Variants in PSMF1 observed in about 807,000 individuals in gnomAD.
PSMF1 encodes proteasome inhibitor subunit 1.
PSMF1 carries 30 observed loss-of-function variants against 29.3 expected under a neutral mutation model. The observed-to-expected ratio is 1.02, with a 90% confidence interval of 0.77 to 1.39. PSMF1 has a LOEUF of 1.39. PSMF1 is among the 40% of genes most tolerant of loss of function. The probability of loss-of-function intolerance (pLI) is 0.00; values close to 1 mark genes in which losing one functional copy is unlikely to be tolerated. For synonymous variants in PSMF1, 134 were observed against 139.7 expected, an observed-to-expected ratio of 0.96 and a Z score of 0.29; for missense variants, 344 against 357.5, an observed-to-expected ratio of 0.96 and a Z score of 0.31.
chr20:1,132,111 G>C (rs1346849769), intron 3 of PSMF1, among the ~76,000 whole-genome samples: 2 of 152,034 alleles, frequency 1.3e-5, no homozygotes, highest in Non-Finnish European at 2.9e-5. Context: ...CTTTTCCATT[G>C]ATCTCTATGT....
In PSMF1 at chr20:1,163,998, G is replaced by A. The variant is rs1244428936; in HGVS notation, c.606-320G>A. On this transcript the variant is annotated intron_variant, in intron 5 of 6. Transcript: ENST00000335877. This position sits in a 1 kb window ranked among gnomAD's most constrained non-coding sequence, Gnocchi z 6.1. Reference sequence around the variant, plus strand: ...TGACCTTGGCAAGTTCTGGCTCTTGGTCTTGATCAAGTTGGCCCTCTTGAG... The same window carrying A: ...TGACCTTGGCAAGTTCTGGCTCTTGATCTTGATCAAGTTGGCCCTCTTGAG... Among the ~76,000 whole-genome samples, 1 of 152,196 alleles carries A rather than the reference G, an allele frequency of 6.6e-6. No individual in the cohort carries two copies. The highest frequency in any genetic ancestry group is 1.5e-5 in the Non-Finnish European group (1 of 68,036).
Position 1,165,471 on chromosome 20 carries a change from C to T in PSMF1, c.*391C>T, listed in dbSNP as rs997436850. The T allele has an allele frequency of 5.4e-5, 56 of 1,032,400 alleles. No individual in the cohort carries two copies. In the African/African-American group the frequency reaches 9.0e-4, roughly 17 times the overall value. 64.0% of individuals were successfully genotyped at this position (1,032,400 alleles called of 1,614,324 possible). On this transcript the variant is annotated 3_prime_UTR_variant, in exon 7 of 7. Coordinates refer to ENST00000335877, the MANE Select transcript of PSMF1 (RefSeq NM_006814.5). Reference sequence around the variant, plus strand: ...AAATGTCAATACAGAATTCATGTTGCCGGTTTCCCACTTTTCTTTTTACAT... The same window carrying T: ...AAATGTCAATACAGAATTCATGTTGTCGGTTTCCCACTTTTCTTTTTACAT...
intron 4 of PSMF1, among the ~76,000 whole-genome samples, chr20:1,157,770 T>C (rs1481085991): frequency 7.2e-5 from 11 of 152,062 alleles, no homozygotes; most frequent in Admixed American, 2.6e-4. Context: ...TTTTTTTTTT[T>C]CCTGGTGGAG....
intron 3 of PSMF1, among the ~76,000 whole-genome samples, chr20:1,128,514 A>G (rs2086189402): frequency 6.6e-6 from 1 of 152,222 alleles, no homozygotes; most frequent in Non-Finnish European, 1.5e-5. Context: ...AAAGTTCCAA[A>G]TGACTTATTT....
In PSMF1 at chr20:1,143,431, A is replaced by G. The variant is rs74355096; in HGVS notation, c.551+8125A>G. Among the ~76,000 whole-genome samples, 324 of 152,336 alleles carry G rather than the reference A, an allele frequency of 2.1e-3. 4 individuals are homozygous for G. In the East Asian group the frequency reaches 0.031, roughly 15 times the overall value. ...ATGATGCTGGAGCAATTGGATAATC[A>G]CAAGCAAAAATATGACCCTTGACCT... On this transcript the variant is annotated intron_variant, in intron 4 of 6. Coordinates refer to ENST00000335877, the MANE Select transcript of PSMF1 (RefSeq NM_006814.5).
Position 1,139,322 on chromosome 20 carries a change from G to A in PSMF1, c.551+4016G>A, listed in dbSNP as rs560539668. Among the ~76,000 whole-genome samples, 6 of 152,290 alleles carry A rather than the reference G, an allele frequency of 3.9e-5. No homozygotes were observed. In the East Asian group the frequency reaches 9.6e-4, roughly 24 times the overall value. On this transcript the variant is annotated intron_variant, in intron 4 of 6. Transcript: ENST00000335877. ...TTTTCCTCTTAAGATCCGGAACAAG[G>A]CAAGCATGTTTGCTTTTGTTTTTGC...
At chr20:1,150,330 G>GT (rs2086512740) in intron 4 of PSMF1, among the ~76,000 whole-genome samples, 1 of 152,188 alleles carries the variant, frequency 6.6e-6, no homozygotes, top group Non-Finnish European at 1.5e-5. Flanking sequence ...GGGTGAGTGA[G>GT]TGGTAAGGGA....
At chr20:1,157,759 T>G (rs1227643258) in intron 4 of PSMF1, among the ~76,000 whole-genome samples, 2 of 143,624 alleles carry the variant, frequency 1.4e-5, no homozygotes, top group African/African-American at 2.6e-5. Context: ...CAGCAGGTCG[T>G]TTTTTTTTTT....
Position 1,163,147 on chromosome 20 carries a change from C to G in PSMF1, c.569C>G (p.Pro190Arg), listed in dbSNP as rs147039294. The change falls in exon 5 of 7, where the codon CCG (proline) becomes CGG (arginine). Residue 190 changes from proline (P) to arginine (R), a missense_variant. Coordinates refer to ENST00000335877, the MANE Select transcript of PSMF1 (RefSeq NM_006814.5). The surrounding 1 kb of genome is among the most constrained non-coding windows in gnomAD (Gnocchi z 6.1). Reference sequence around the variant, plus strand: ...TGTTTCAGGTGTGATCCCCTGGGCCCGTTTGTTGTCGGGGGAGAAGACTTA... The same window carrying G: ...TGTTTCAGGTGTGATCCCCTGGGCCGGTTTGTTGTCGGGGGAGAAGACTTA... ...RQPPWCDPLG[P>R]FVVGGEDLDP... 18 of 1,614,108 alleles carry G rather than the reference C, an allele frequency of 1.1e-5. No homozygotes were observed. Among genetic ancestry groups the G allele is most frequent in the Non-Finnish European group, 1.5e-5 (18 of 1,180,024 alleles).
chr20:1,149,565 C>A (rs539281611), intron 4 of PSMF1, among the ~76,000 whole-genome samples: 1 of 152,156 alleles, frequency 6.6e-6, no homozygotes, highest in South Asian at 2.1e-4. Context: ...ACATCCTTTT[C>A]GAGAAAATGT....
At chr20:1,153,723 C>G (rs1031319594) in intron 4 of PSMF1, among the ~76,000 whole-genome samples, 1 of 152,096 alleles carries the variant, frequency 6.6e-6, no homozygotes, top group African/African-American at 2.4e-5. Flanking sequence ...GAGTCTTAAC[C>G]CGTTACTACA....
In PSMF1 at chr20:1,155,343, C is replaced by T. The variant is rs114514313; in HGVS notation, c.552-7787C>T. 4.9e-3 allele frequency among the ~76,000 whole-genome samples: 752 copies of T among 152,316 alleles called. 2 individuals are homozygous for T. The highest frequency in any genetic ancestry group is 0.024 in the Middle Eastern group (7 of 294). On this transcript the variant is annotated intron_variant, in intron 4 of 6. Transcript: ENST00000335877. ...CCAGCCTGCAGCAGTCTGCAGACAC[C>T]TAAAACTGAGGAAGAACCTTCCTTT...
At position 1,170,243 on chromosome 20, in the gene PSMF1, G is replaced by A. The variant is rs2086776914; in HGVS notation, c.*5163G>A. ...CTGCATTTTAACAAGTTCTCCATGA[G>A]ATTTGTGTAAACTTAAAGTGAGAGA... On this transcript the variant is annotated 3_prime_UTR_variant, in exon 7 of 7. Coordinates refer to ENST00000335877, the MANE Select transcript of PSMF1 (RefSeq NM_006814.5). Among the ~76,000 whole-genome samples the A allele has an allele frequency of 6.6e-6, 1 of 152,210 alleles. No individual in the cohort carries two copies. The highest frequency in any genetic ancestry group is 2.4e-5 in the African/African-American group (1 of 41,440).
At chr20:1,147,174 CAT>C (rs2086462749) in intron 4 of PSMF1, among the ~76,000 whole-genome samples, 1 of 60,928 alleles carries the variant, frequency 1.6e-5, no homozygotes, top group Non-Finnish European at 3.6e-5. Flanking sequence ...TCATCATCAT[CAT>C]CACCACCCTG....
rs1407783879 is a variant in PSMF1 at position 1,167,242 on chromosome 20, G to A, written c.*2162G>A. 1 of 152,176 alleles carries A rather than the reference G, an allele frequency of 6.6e-6. No homozygotes were observed. The highest frequency in any genetic ancestry group is 2.4e-5 in the African/African-American group (1 of 41,430). 9.4% of individuals were successfully genotyped at this position (152,176 alleles called of 1,614,324 possible). On this transcript the variant is annotated 3_prime_UTR_variant, in exon 7 of 7. Coordinates refer to ENST00000335877, the MANE Select transcript of PSMF1 (RefSeq NM_006814.5). ...TCCAGTCATGAGTAATCATCAAGGA[G>A]CAAGTTGGAGTGTTTCAGGTGTATA...
At chr20:1,152,593 G>A (rs923722181) in intron 4 of PSMF1, among the ~76,000 whole-genome samples, 5 of 152,168 alleles carry the variant, frequency 3.3e-5, no homozygotes, top group African/African-American at 1.2e-4. Context: ...ACTTCATATT[G>A]TTTACATTAA....
At position 1,169,706 on chromosome 20, in the gene PSMF1, T is replaced by A. The variant is rs1006455769; in HGVS notation, c.*4626T>A. Among the ~76,000 whole-genome samples, 1 of 152,202 alleles carries A rather than the reference T, an allele frequency of 6.6e-6. No individual in the cohort carries two copies. The highest frequency in any genetic ancestry group is 1.5e-5 in the Non-Finnish European group (1 of 68,026). On this transcript the variant is annotated 3_prime_UTR_variant, in exon 7 of 7. Transcript: ENST00000335877. ...CTATATCTGCACCAAAAAGTAGATG[T>A]CCTTCACACTGCCATCTGGACACCA...
At position 1,163,359 on chromosome 20, in the gene PSMF1, C is replaced by T. The variant is rs1016149250; in HGVS notation, c.605+176C>T. Among the ~76,000 whole-genome samples the T allele has an allele frequency of 2.0e-5, 3 of 152,202 alleles. No homozygotes were observed. Among genetic ancestry groups the T allele is most frequent in the Admixed American group, 6.5e-5 (1 of 15,282 alleles). ...ATACGCTGCCCCTCCACACCTAGAG[C>T]GGTGCAGGAGAGCACTGAGTGTTGG... On this transcript the variant is annotated intron_variant, in intron 5 of 6. Transcript: ENST00000335877. This position sits in a 1 kb window ranked among gnomAD's most constrained non-coding sequence, Gnocchi z 6.1.
At chr20:1,127,201 G>T (rs1168173973) in intron 2 of PSMF1, 15 of 700,776 alleles carry the variant, frequency 2.1e-5, no homozygotes, top group Non-Finnish European at 3.6e-5. Flanking sequence ...TTGCAAAAGA[G>T]CCTGGGAAGT....
Sources: allele counts gnomAD v4.1 joint callset (sites outside exome capture counted in the v4.1 genomes callset), GRCh38; gene constraint gnomAD v4.1.1; non-coding constraint Gnocchi (gnomAD v3.1); transcripts MANE v1.5; gene names NCBI Gene and HGNC (gene_info 2026-07-23, HGNC 2026-07-21).